SHMT1: variants seen among roughly 807,000 people sequenced by gnomAD.
The protein encoded by SHMT1 is serine hydroxymethyltransferase 1.
In SHMT1, 45 loss-of-function variants were observed where a neutral mutation model predicts 49.0. The observed-to-expected ratio is 0.92, with a 90% CI of 0.72 to 1.18. The LOEUF (loss-of-function observed/expected upper bound fraction) is 1.18. Ranked by LOEUF, SHMT1 falls within the 50% of genes most tolerant of loss-of-function variation. The pLI is 0.00. For synonymous variants in SHMT1, 232 were observed against 246.6 expected (o/e 0.94, Z 0.55); for missense variants, 541 against 612.4 (o/e 0.88, Z 1.23).
intron 4 of SHMT1, 147 bp from the exon 5 acceptor site, chr17:18,347,803 C>G (rs1567785290): frequency 7.2e-6 from 6 of 837,336 alleles, no homozygotes; most frequent in Non-Finnish European, 1.1e-5. Flanking sequence ...CCCTTCACCA[C>G]CAGCCTTGAG....
intron 3 of SHMT1, chr17:18,353,366 A>G: frequency 2.5e-6 from 1 of 398,740 alleles, no homozygotes. Context: ...CTCAGATGAC[A>G]CTGACCTTTT....
At chr17:18,346,568 A>G (rs1194748509) in intron 5 of SHMT1, among the ~76,000 whole-genome samples, 2 of 152,182 alleles carry the variant, frequency 1.3e-5, no homozygotes, top group African/African-American at 4.8e-5. Flanking sequence ...AGGTATGTGC[A>G]GTGGGGTGGC....
intron 8 of SHMT1, among the ~76,000 whole-genome samples, chr17:18,334,903 C>T (rs1983626150): frequency 6.6e-6 from 1 of 152,210 alleles, no homozygotes; most frequent in Non-Finnish European, 1.5e-5. Context: ...TGCCTAATAT[C>T]TCCCAATCGC....
chr17:18,361,298 C>CAAAA lies in SHMT1; in HGVS notation c.-20+2070_-20+2073dup, dbSNP rs57119291. Among the ~76,000 whole-genome samples, 33 of 97,840 alleles carry CAAAA rather than the reference C, an allele frequency of 3.4e-4. 1 individual carries two copies. The highest frequency in any genetic ancestry group is 4.6e-4 in the African/African-American group (11 of 24,172). The allele number at this position is 97,840 out of a possible 152,430, so 64.2% of individuals were successfully genotyped here. On this transcript the variant is annotated intron_variant, in intron 1 of 11. Coordinates refer to ENST00000316694, the MANE Select transcript of SHMT1 (RefSeq NM_004169.5). The stretch of plus-strand genomic sequence containing the variant: ...TGGACAACAGAGCAAGACTCTGTCT[C>CAAAA]AAAAAAAAAAAAAAAAACAAAAACA...
chr17:18,345,499 C>G (rs529480664), intron 5 of SHMT1, among the ~76,000 whole-genome samples: 4 of 149,244 alleles, frequency 2.7e-5, no homozygotes, highest in Middle Eastern at 3.6e-3. Context: ...TCGGATGATC[C>G]GCCCACTTCG....
At chr17:18,358,151 A>AT (rs375500222) in intron 1 of SHMT1, among the ~76,000 whole-genome samples, 49 of 28,044 alleles carry the variant, frequency 1.7e-3, no homozygotes, top group African/African-American at 3.8e-3. Flanking sequence ...TAGGACTCTT[A>AT]AAAAAAAAAA....
intron 3 of SHMT1, among the ~76,000 whole-genome samples, chr17:18,350,552 G>A (rs1567788313): frequency 6.6e-6 from 1 of 151,786 alleles, no homozygotes; most frequent in Non-Finnish European, 1.5e-5. Flanking sequence ...CAGGAGGATT[G>A]CTTGAGCCCA....
chr17:18,347,497 T>C lies in SHMT1; in HGVS notation c.518A>G (p.Lys173Arg), dbSNP rs1179493694. 1 of 1,613,928 alleles carries C rather than the reference T, an allele frequency of 6.2e-7. No individual in the cohort carries two copies. Among genetic ancestry groups the C allele is most frequent in the African/African-American group, 1.3e-5 (1 of 74,932 alleles). The change falls in exon 5 of 12, where the codon AAG becomes AGG. Residue 173 changes from lysine (K) to arginine (R), a missense_variant and splice_region_variant. Coordinates refer to ENST00000316694, the MANE Select transcript of SHMT1 (RefSeq NM_004169.5). ...GCTAGGAGAGAAACACATGCTTACC[T>C]TGTAGGGCATAGATTCAAAGAAGAT... ...TSIFFESMPY[K>R]VNPDTGYINY...
chr17:18,336,349 G>A (rs1983789743), intron 7 of SHMT1, among the ~76,000 whole-genome samples: 1 of 151,814 alleles, frequency 6.6e-6, no homozygotes, highest in South Asian at 2.1e-4. Flanking sequence ...TCAAGAATTT[G>A]CCCTGGACAT....
At chr17:18,332,422 A>G (rs938765555) in intron 9 of SHMT1, 1 of 153,796 alleles carries the variant, frequency 6.5e-6, no homozygotes, top group African/African-American at 2.4e-5. Context: ...GTAAAGGGCA[A>G]AGGACACGGT....
rs1216157601 is a variant in SHMT1, at chr17:18,332,976, G to C, written c.1054+190C>G. The C allele has an allele frequency of 1.3e-5, 9 of 704,768 alleles. No homozygotes were observed. The Admixed American group carries it at 1.8e-4, about 14-fold the overall frequency. 43.7% of individuals were successfully genotyped at this position (704,768 alleles called of 1,614,324 possible). On this transcript the variant is annotated intron_variant, in intron 9 of 11. Transcript: ENST00000316694. ...TTCCCATCATCTGTGGCTCACCCAA[G>C]GGGGCGGCTGGCTGGTCTGAGGCAG...
At chr17:18,353,946 A>G (rs1257594233) in intron 2 of SHMT1, 129 bp from the exon 3 acceptor site, 1 of 861,916 alleles carries the variant, frequency 1.2e-6, no homozygotes, top group African/African-American at 1.7e-5. Context: ...ATCCTCCTCA[A>G]AGGTTTTAGT....
intron 5 of SHMT1, among the ~76,000 whole-genome samples, chr17:18,345,078 A>G (rs772291543): frequency 1.3e-5 from 2 of 152,128 alleles, no homozygotes; most frequent in African/African-American, 2.4e-5. Context: ...GGCAGGACTC[A>G]AATCACCCCC....
chr17:18,362,390 C>T (rs947316460), intron 1 of SHMT1, among the ~76,000 whole-genome samples: 7 of 151,988 alleles, frequency 4.6e-5, no homozygotes, highest in Non-Finnish European at 1.0e-4. Flanking sequence ...GCGTGATCTC[C>T]GCTCACTGCA....
intron 3 of SHMT1, 161 bp from the exon 4 acceptor site, chr17:18,348,601 G>A (rs1339160741): frequency 2.7e-6 from 2 of 734,436 alleles, no homozygotes; most frequent in Non-Finnish European, 5.0e-6. Context: ...ATGATCAAGT[G>A]TTCCACCAAT....
intron 8 of SHMT1, among the ~76,000 whole-genome samples, chr17:18,334,362 T>C (rs1983565570): frequency 6.6e-6 from 1 of 152,196 alleles, no homozygotes; most frequent in African/African-American, 2.4e-5. Context: ...GTGCTGGGAT[T>C]ATAGGCATGA....
chr17:18,340,393 T>C lies in SHMT1; in HGVS notation c.602-138A>G. 2.1e-6 allele frequency: 2 copies of C among 946,892 alleles called. No individual in the cohort carries two copies. Among genetic ancestry groups the C allele is most frequent in the South Asian group, 2.8e-5 (2 of 72,542 alleles). 58.7% of individuals were successfully genotyped at this position (946,892 alleles called of 1,614,324 possible). A position where few individuals can be genotyped will look rare whatever the true frequency, so the allele number is the denominator to read the frequency against. On this transcript the variant is annotated intron_variant, in intron 6 of 11. Transcript: ENST00000316694. The surrounding 1 kb of genome is among the most constrained non-coding windows in gnomAD (Gnocchi z 4.5). ...AAAGTCTCAGAGCAAAAATGGAGAATGCCCTCAAAAAGCACCTCTGTGCTA... is the reference window on the plus strand; with the variant it reads ...AAAGTCTCAGAGCAAAAATGGAGAACGCCCTCAAAAAGCACCTCTGTGCTA...
intron 8 of SHMT1, among the ~76,000 whole-genome samples, chr17:18,334,370 T>C (rs930721258): frequency 6.6e-6 from 1 of 152,340 alleles, no homozygotes; most frequent in Admixed American, 6.5e-5. Context: ...ATTATAGGCA[T>C]GAGCCACCGC....
chr17:18,353,704 A>T lies in SHMT1; in HGVS notation c.210T>A (p.Asn70Lys). The change falls in exon 3 of 12, where the codon AAT becomes AAA. Residue 70 changes from asparagine (N) to lysine (K), a missense_variant. Physicochemically the swap from Asn to Lys is moderately conservative, Grantham distance 94. Coordinates refer to ENST00000316694, the MANE Select transcript of SHMT1 (RefSeq NM_004169.5). ...AVLEALGSCL[N>K]NKYSEGYPGQ... is the part of the protein sequence containing the mutation. Reference sequence around the variant, plus strand: ...CCGGGTACCCCTCAGAGTATTTGTTATTTAAGCAAGAGCCTAGGGCCTCCA... The same window carrying T: ...CCGGGTACCCCTCAGAGTATTTGTTTTTTAAGCAAGAGCCTAGGGCCTCCA... 6.2e-7 allele frequency: 1 copy of T among 1,614,114 alleles called. No individual in the cohort carries two copies. Among genetic ancestry groups the T allele is most frequent in the Non-Finnish European group, 8.5e-7 (1 of 1,180,030 alleles).
Sources: gnomAD v4.1 joint callset for allele counts (sites outside exome capture counted in the v4.1 genomes callset) on GRCh38, gnomAD v4.1.1 for gene constraint, Gnocchi (gnomAD v3.1) non-coding constraint, MANE v1.5 for transcripts, NCBI Gene and HGNC (gene_info 2026-07-23, HGNC 2026-07-21) for gene names.